Variants in PUM1 observed in about 807,000 individuals in gnomAD.
PUM1 encodes the protein pumilio RNA binding family member 1, also known as pumilio homolog 1.
In PUM1, 13 loss-of-function variants were observed where a neutral mutation model predicts 131.8. That is an observed-to-expected ratio of 0.10 (90% CI 0.06 to 0.16). PUM1 has a LOEUF of 0.16. Ranked by LOEUF, PUM1 falls within the 10% of genes least tolerant of loss-of-function variation. PUM1 has a pLI of 1.00. For synonymous variants in PUM1, 509 were observed against 556.5 expected (o/e 0.91, Z 1.20); for missense variants, 961 against 1,512.4 (o/e 0.64, Z 6.05).
intron 21 of PUM1, among the ~76,000 whole-genome samples, chr1:30,936,000 C>T (rs548990236): frequency 1.6e-5 from 2 of 128,968 alleles, no homozygotes; most frequent in East Asian, 4.1e-4. Flanking sequence ...GTTCAGGTGA[C>T]TTCTCTTTCA....
chr1:30,961,577 A>G (rs1037434401), intron 14 of PUM1, among the ~76,000 whole-genome samples: 1 of 152,112 alleles, frequency 6.6e-6, no homozygotes, highest in Non-Finnish European at 1.5e-5. Context: ...TTTAGTCTGA[A>G]CTTTAAACAA....
chr1:30,950,207 G>A lies in PUM1; in HGVS notation c.2776C>T (p.Leu926=). The A allele has an allele frequency of 6.2e-7, 1 of 1,614,084 alleles. No individual in the cohort carries two copies. Among genetic ancestry groups the A allele is most frequent in the South Asian group, 1.1e-5 (1 of 91,042 alleles). ...ALAERIRGHV[L]SLALQMYGCR... ...CCATACATCTGTAGTGCCAATGACA[G>A]GACGTGGCCTCGAATCCGTTCTGCC... The change falls in exon 17 of 22, where the codon CTG becomes TTG. Residue 926 remains leucine, a synonymous_variant. Coordinates refer to ENST00000426105, the MANE Select transcript of PUM1 (RefSeq NM_001020658.2).
At chr1:30,952,759 C>A (rs1383378074) in intron 15 of PUM1, among the ~76,000 whole-genome samples, 2 of 150,236 alleles carry the variant, frequency 1.3e-5, no homozygotes, top group Non-Finnish European at 3.0e-5. Flanking sequence ...ATGTACCCTA[C>A]TTGACTTTTT....
chr1:30,941,314 C>T, intron 19 of PUM1, 42 bp from the exon 20 acceptor site: 2 of 1,586,426 alleles, frequency 1.3e-6, no homozygotes, highest in Middle Eastern at 1.7e-4. Flanking sequence ...TATGTGAAAG[C>T]CAGTTCTGCA....
At chr1:30,995,359 CAAACA>C (rs1193506465) in intron 5 of PUM1, 139 bp from the exon 6 acceptor site, 4 of 904,798 alleles carry the variant, frequency 4.4e-6, no homozygotes. Flanking sequence ...ATCTAATTAA[CAAACA>C]ACACAGAGGC....
chr1:30,934,823 C>G (rs1242674977), intron 21 of PUM1, among the ~76,000 whole-genome samples: 2 of 152,034 alleles, frequency 1.3e-5, no homozygotes, highest in Non-Finnish European at 2.9e-5. Flanking sequence ...CAAAACAAAA[C>G]AAAAAACCCC....
rs752189036 is a variant in PUM1 at position 30,995,073 on chromosome 1, C to T, written c.868G>A (p.Ala290Thr). Residue 290 changes from alanine (A) to threonine (T), a missense_variant, in exon 6 of 22, where the codon GCA (alanine) becomes ACA (threonine). Transcript: ENST00000426105. ...ACAAACCTAAAATCTTTGACGTCTG[C>T]ATCAATCCCATTCTGCACTGGTAAA... Reference protein sequence around the residue: ...NGLPVQNGIDADVKDFSRTPG... With the variant: ...NGLPVQNGIDTDVKDFSRTPG... 1.9e-6 allele frequency: 3 copies of T among 1,613,958 alleles called. No homozygotes were observed. The highest frequency in any genetic ancestry group is 2.7e-5 in the African/African-American group (2 of 74,932).
chr1:31,030,636 G>A (rs780051290), intron 2 of PUM1, among the ~76,000 whole-genome samples: 47 of 152,068 alleles, frequency 3.1e-4, no homozygotes, highest in African/African-American at 6.0e-4. Context: ...GCCTGCACCC[G>A]GGCAGTCGAG....
intron 5 of PUM1, among the ~76,000 whole-genome samples, chr1:30,995,504 CTT>C (rs940873823): frequency 2.0e-5 from 3 of 151,856 alleles, no homozygotes; most frequent in Non-Finnish European, 4.4e-5. Flanking sequence ...TTCTTCCTTC[CTT>C]TTTTTTCTTC....
At chr1:30,941,091 T>C (rs1639424159) in intron 20 of PUM1, 60 bp downstream of exon 20, 2 of 1,497,920 alleles carry the variant, frequency 1.3e-6, no homozygotes, top group African/African-American at 1.4e-5. Flanking sequence ...AAGATAATTA[T>C]AGTTCAATAC....
rs139813917 is a variant in PUM1, at chr1:30,980,147, C to T, written c.1269G>A (p.Ala423=). 2.7e-5 allele frequency: 43 copies of T among 1,613,872 alleles called. No homozygotes were observed. Among genetic ancestry groups the T allele is most frequent in the Non-Finnish European group, 3.2e-5 (38 of 1,179,946 alleles). ...TGATGATGTATGGATTGGGGACAAA[C>T]GCAGCGGGAGCTAAACCTGCTGAAA... ...HQPHIGLAPA[A]FVPNPYIISA... is the part of the protein sequence containing the mutation. The change falls in exon 9 of 22, where the codon GCG becomes GCA. Residue 423 remains alanine, a synonymous_variant. Transcript: ENST00000426105.
intron 2 of PUM1, among the ~76,000 whole-genome samples, chr1:31,034,874 T>C (rs565399058): frequency 6.6e-6 from 1 of 152,118 alleles, no homozygotes; most frequent in East Asian, 1.9e-4. Context: ...ATAATCAGAA[T>C]CGTTGATGCC....
chr1:31,037,078 GAAACT>G (rs1643635312), intron 2 of PUM1: 1 of 153,628 alleles, frequency 6.5e-6, no homozygotes, highest in African/African-American at 2.4e-5. Flanking sequence ...AAGGTCAGAA[GAAACT>G]AAAAGACAAT....
rs546770847 is a variant in PUM1 at position 30,969,658 on chromosome 1, G to A, written c.1507-1166C>T. Among the ~76,000 whole-genome samples the A allele has an allele frequency of 4.1e-4, 62 of 151,538 alleles. 1 individual carries two copies. Among genetic ancestry groups the A allele is most frequent in the African/African-American group, 1.1e-3 (46 of 41,334 alleles). On this transcript the variant is annotated intron_variant, in intron 10 of 21. Coordinates refer to ENST00000426105, the MANE Select transcript of PUM1 (RefSeq NM_001020658.2). ...ATCTACTTTTTTTTTTTTGGTGGGC[G>A]GCGGGTGGCGCGGAGTGCAGGGAAG... is the stretch of plus-strand genomic sequence containing the variant.
At chr1:31,043,256 G>A (rs1204621670) in intron 2 of PUM1, among the ~76,000 whole-genome samples, 1 of 151,914 alleles carries the variant, frequency 6.6e-6, no homozygotes, top group African/African-American at 2.4e-5. Flanking sequence ...AGGTTGGAGT[G>A]CAATGGTGCG....
intron 2 of PUM1, among the ~76,000 whole-genome samples, chr1:31,047,403 C>G (rs1643995181): frequency 6.6e-6 from 1 of 152,212 alleles, no homozygotes; most frequent in African/African-American, 2.4e-5. Context: ...ACTGACTTCT[C>G]TCCTGGCACT....
At chr1:31,025,718 G>A (rs1296532394) in intron 3 of PUM1, among the ~76,000 whole-genome samples, 1 of 151,768 alleles carries the variant, frequency 6.6e-6, no homozygotes, top group African/African-American at 2.4e-5. Flanking sequence ...ATCACGCCCA[G>A]CTAATTTTTG....
At chr1:30,977,417 G>A (rs376984025) in intron 9 of PUM1, among the ~76,000 whole-genome samples, 3 of 152,284 alleles carry the variant, frequency 2.0e-5, no homozygotes, top group South Asian at 2.1e-4. Context: ...CAACAAAAGC[G>A]AGCCTCTACT....
rs144742741 is a variant in PUM1 at position 30,981,242 on chromosome 1, T to C, written c.1252+70A>G. The C allele has an allele frequency of 1.4e-3, 1,437 of 991,232 alleles. 14 individuals are homozygous for C. In the East Asian group the frequency reaches 0.021, roughly 15 times the overall value. The allele number at this position is 991,232 out of a possible 1,614,324, so 61.4% of individuals were successfully genotyped here. On this transcript the variant is annotated intron_variant, in intron 8 of 21. Transcript: ENST00000426105. ...TATAATCAGTTTAAATTACTGGGTT[T>C]CACAGCAACCAGTTATCCTAAAATG...
Sources: gnomAD v4.1 joint callset for allele counts (sites outside exome capture counted in the v4.1 genomes callset) on GRCh38, gnomAD v4.1.1 for gene constraint, MANE v1.5 for transcripts, NCBI Gene and HGNC (gene_info 2026-07-23, HGNC 2026-07-21) for gene names.